Variants in YLPM1 observed in about 807,000 individuals in gnomAD.
The protein encoded by YLPM1 is YLP motif-containing protein 1.
YLPM1 carries 99 observed loss-of-function variants against 230.0 expected under a neutral mutation model. The observed-to-expected ratio is 0.43, with a 90% CI of 0.37 to 0.51. YLPM1 has a LOEUF of 0.51. Among genes scored for constraint, YLPM1 ranks in the 20% least tolerant of loss-of-function variants. The pLI is 0.00. For synonymous variants in YLPM1, 984 were observed against 942.5 expected, an observed-to-expected ratio of 1.04 and a Z score of -0.81; for missense variants, 2,592 against 2,707.7, an observed-to-expected ratio of 0.96 and a Z score of 0.95.
At position 74,812,844 on chromosome 14, in the gene YLPM1, T is replaced by A. The variant is rs190529157; in HGVS notation, c.5502+62T>A. ...CAGAAGATAAGAGATCTTGTTAATA[T>A]CCTGAAAAGAATTTCTTTATTTTTC... On this transcript the variant is annotated intron_variant, in intron 11 of 20. Coordinates refer to ENST00000325680, the MANE Select transcript of YLPM1 (RefSeq NM_019589.3). The A allele has an allele frequency of 3.9e-3, 5,879 of 1,518,936 alleles. 96 individuals are homozygous for A. The highest frequency in any genetic ancestry group is 0.032 in the South Asian group (2,514 of 77,624). 94.1% of individuals were successfully genotyped at this position (1,518,936 alleles called of 1,614,324 possible). A position where few individuals can be genotyped will look rare whatever the true frequency, so the allele number is the denominator to read the frequency against.
intron 6 of YLPM1, among the ~76,000 whole-genome samples, chr14:74,803,087 CT>C (rs1256681827): frequency 1.3e-5 from 2 of 151,280 alleles, no homozygotes; most frequent in Non-Finnish European, 2.9e-5. Context: ...GGTGAGACCC[CT>C]ATCTCTACCA....
chr14:74,818,295 A>G lies in YLPM1; in HGVS notation c.6011A>G (p.Gln2004Arg). ...CGTCTAGATATTCGTTCTTTGCTGC[A>G]AGATGCTGCTATTGAAGAGGTGAGT... is the stretch of plus-strand genomic sequence containing the variant. ...MMRLDIRSLL[Q>R]DAAIEEVEME... is the part of the protein sequence containing the mutation. Residue 2004 changes from glutamine (Q) to arginine (R), a missense_variant, in exon 16 of 21, where the codon CAA (glutamine) becomes CGA (arginine). Transcript: ENST00000325680. 1 of 1,603,120 alleles carries G rather than the reference A, an allele frequency of 6.2e-7. No individual in the cohort carries two copies. The highest frequency in any genetic ancestry group is 8.5e-7 in the Non-Finnish European group (1 of 1,174,882).
chr14:74,765,558 T>C (rs1311701829), intron 1 of YLPM1, among the ~76,000 whole-genome samples: 1 of 152,172 alleles, frequency 6.6e-6, no homozygotes, highest in African/African-American at 2.4e-5. Context: ...CCCAGATTGC[T>C]CTATTATAGA....
intron 2 of YLPM1, among the ~76,000 whole-genome samples, chr14:74,779,859 A>G (rs1034455477): frequency 3.4e-5 from 5 of 147,326 alleles, no homozygotes; most frequent in Admixed American, 6.9e-5. Context: ...GCTGGAGTGC[A>G]GTGACGCGAT....
intron 6 of YLPM1, among the ~76,000 whole-genome samples, chr14:74,809,104 A>G (rs1313424029): frequency 6.8e-6 from 1 of 148,096 alleles, no homozygotes; most frequent in Non-Finnish European, 1.5e-5. Flanking sequence ...TCTTTTGGCC[A>G]TAGTTTTTTT....
intron 11 of YLPM1, among the ~76,000 whole-genome samples, chr14:74,813,023 C>G (rs910713667): frequency 2.6e-5 from 4 of 152,142 alleles, no homozygotes; most frequent in East Asian, 1.9e-4. Context: ...TTAATGAGAC[C>G]TCAATTAATT....
In YLPM1 at chr14:74,782,277, T is replaced by C; in HGVS notation, c.2234T>C (p.Leu745Pro). Residue 745 changes from leucine to proline, a missense_variant, in exon 4 of 21, where the codon CTT (leucine) becomes CCT (proline). Physicochemically the swap from Leu to Pro is moderately conservative, Grantham distance 98. This residue lies in a region of YLPM1 where 1,862 missense variants were observed against 1,819.8 expected (regional missense o/e 1.02). Coordinates refer to ENST00000325680, the MANE Select transcript of YLPM1 (RefSeq NM_019589.3). ...ATGCCAGTGAGATCAGGTGGCCTGC[T>C]TCCAGATCCTCCTAGAAGTAGTTAC... ...KDMPVRSGGL[L>P]PDPPRSSYLE... is the part of the protein sequence containing the mutation. The C allele has an allele frequency of 6.4e-7, 1 of 1,570,508 alleles. No individual in the cohort carries two copies. The highest frequency in any genetic ancestry group is 1.2e-5 in the South Asian group (1 of 85,522).
At chr14:74,828,779 T>C (rs1019171910) in intron 18 of YLPM1, among the ~76,000 whole-genome samples, 1 of 152,184 alleles carries the variant, frequency 6.6e-6, no homozygotes, top group African/African-American at 2.4e-5. Context: ...TGGTACAACC[T>C]GCTTTTCATA....
chr14:74,819,883 G>A (rs2091507605), intron 16 of YLPM1, among the ~76,000 whole-genome samples: 1 of 152,008 alleles, frequency 6.6e-6, no homozygotes, highest in African/African-American at 2.4e-5. Flanking sequence ...CTTTAAAAGG[G>A]CCCCCTTAGG....
At chr14:74,790,243 T>C (rs921846850) in intron 4 of YLPM1, among the ~76,000 whole-genome samples, 1 of 152,174 alleles carries the variant, frequency 6.6e-6, no homozygotes, top group Non-Finnish European at 1.5e-5. Context: ...GGACTGTGAG[T>C]GCTATAGGTT....
intron 1 of YLPM1, among the ~76,000 whole-genome samples, chr14:74,770,142 A>G (rs187105525): frequency 2.0e-4 from 30 of 151,238 alleles, no homozygotes; most frequent in Admixed American, 1.5e-3. Context: ...AGATCGCGCC[A>G]CTGCACTCCA....
At chr14:74,811,768 T>C (rs2091437328) in intron 10 of YLPM1, 30 bp downstream of exon 10, 1 of 1,422,510 alleles carries the variant, frequency 7.0e-7, no homozygotes, top group South Asian at 1.3e-5. Context: ...ACTACAAGGA[T>C]GTTGAGAATG....
chr14:74,826,354 T>C (rs1343044166), intron 18 of YLPM1, among the ~76,000 whole-genome samples: 2 of 152,230 alleles, frequency 1.3e-5, no homozygotes, highest in Non-Finnish European at 1.5e-5. Context: ...GTTGCCTTCC[T>C]TATCATAACA....
At chr14:74,805,960 C>G (rs2091374631) in intron 6 of YLPM1, among the ~76,000 whole-genome samples, 1 of 150,770 alleles carries the variant, frequency 6.6e-6, no homozygotes, top group South Asian at 2.1e-4. Flanking sequence ...CCTGCCTCAG[C>G]CTCCCAAAGT....
chr14:74,777,938 G>A (rs548830087), intron 1 of YLPM1, among the ~76,000 whole-genome samples: 4 of 151,960 alleles, frequency 2.6e-5, no homozygotes, highest in Admixed American at 6.5e-5. Flanking sequence ...TCAGGCCATT[G>A]TACTCCATCC....
chr14:74,835,036 G>A, intron 19 of YLPM1: 1 of 475,790 alleles, frequency 2.1e-6, no homozygotes, highest in Admixed American at 3.8e-5. Context: ...GGACAGGATT[G>A]AGCTGAACTG....
chr14:74,808,762 C>T (rs2091403825), intron 6 of YLPM1, among the ~76,000 whole-genome samples: 1 of 150,796 alleles, frequency 6.6e-6, no homozygotes, highest in African/African-American at 2.5e-5. Flanking sequence ...TGAGATCGCG[C>T]CATTGCAGTC....
chr14:74,789,484 T>C (rs1394061918), intron 4 of YLPM1, among the ~76,000 whole-genome samples: 1 of 152,136 alleles, frequency 6.6e-6, no homozygotes, highest in Non-Finnish European at 1.5e-5. Flanking sequence ...CCCTGGGTGC[T>C]GGGATTACCG....
intron 1 of YLPM1, among the ~76,000 whole-genome samples, chr14:74,774,886 G>T (rs1007580778): frequency 3.9e-5 from 6 of 152,158 alleles, no homozygotes; most frequent in Admixed American, 3.3e-4. Flanking sequence ...CTGACTAGGA[G>T]CCTAGGGCTC....
Sources: allele counts gnomAD v4.1 joint callset (sites outside exome capture counted in the v4.1 genomes callset), GRCh38; gene constraint gnomAD v4.1.1; regional missense constraint gnomAD v4.1.1; transcripts MANE v1.5; gene names NCBI Gene and HGNC (gene_info 2026-07-23, HGNC 2026-07-21).